Variants in CDH18 observed in about 807,000 individuals in gnomAD.
The protein encoded by CDH18 is cadherin 18, also known as cadherin-18.
In CDH18, 31 loss-of-function variants were observed where a neutral mutation model predicts 67.9. The ratio of observed to expected loss-of-function variants is 0.46; its 90% CI spans 0.34 to 0.62. The LOEUF is 0.62. CDH18 is among the 20% of genes least tolerant of loss of function. The probability of loss-of-function intolerance (pLI) is 0.01; values close to 1 mark genes in which losing one functional copy is unlikely to be tolerated. For synonymous variants in CDH18, 362 were observed against 347.2 expected, an observed-to-expected ratio of 1.04 and a Z score of -0.48; for missense variants, 890 against 975.5, an observed-to-expected ratio of 0.91 and a Z score of 1.17.
intron 1 of CDH18, among the ~76,000 whole-genome samples, chr5:20,377,809 T>G (rs751201090): frequency 6.6e-6 from 1 of 152,196 alleles, no homozygotes; most frequent in East Asian, 1.9e-4. Context: ...GCTATTCTGA[T>G]TATTTCAACT....
At chr5:19,817,049 T>A (rs1008924652) in intron 3 of CDH18, among the ~76,000 whole-genome samples, 2 of 151,740 alleles carry the variant, frequency 1.3e-5, no homozygotes, top group East Asian at 1.9e-4. Context: ...AGAAAAATAA[T>A]GTAAAATAAA....
intron 5 of CDH18, among the ~76,000 whole-genome samples, chr5:19,635,475 G>A (rs1255298628): frequency 1.3e-5 from 2 of 152,180 alleles, no homozygotes; most frequent in African/African-American, 4.8e-5. Context: ...CATTCTGGCA[G>A]ATCAGAAGTG....
At chr5:20,284,761 C>G (rs1408629881) in intron 1 of CDH18, among the ~76,000 whole-genome samples, 2 of 151,722 alleles carry the variant, frequency 1.3e-5, no homozygotes, top group Admixed American at 6.6e-5. Flanking sequence ...TTTATGGATT[C>G]AATCATCAGA....
At chr5:19,790,960 T>C (rs1000868905) in intron 3 of CDH18, among the ~76,000 whole-genome samples, 5 of 152,076 alleles carry the variant, frequency 3.3e-5, no homozygotes, top group Non-Finnish European at 5.9e-5. Context: ...CTCAGGTGTG[T>C]TACTTGAACA....
At chr5:19,995,018 T>G (rs977075245) in intron 2 of CDH18, among the ~76,000 whole-genome samples, 1 of 150,888 alleles carries the variant, frequency 6.6e-6, no homozygotes, top group Non-Finnish European at 1.5e-5. Flanking sequence ...GCACCAATGC[T>G]CAAGGACAGG....
Position 19,607,006 on chromosome 5 carries a change from C to G in CDH18, c.811+5428G>C, listed in dbSNP as rs551345263. Among the ~76,000 whole-genome samples the G allele has an allele frequency of 5.3e-5, 8 of 151,590 alleles. No homozygotes were observed. In the East Asian group the frequency reaches 1.5e-3, roughly 29 times the overall value. The stretch of plus-strand genomic sequence containing the variant: ...ATTTTTCAATGAACAAAATGGTAAA[C>G]AGCAAATTATATTAATAATTATTGA... On this transcript the variant is annotated intron_variant, in intron 6 of 12. Coordinates refer to ENST00000382275, the MANE Select transcript of CDH18 (RefSeq NM_004934.5).
chr5:19,605,964 G>C (rs972795132), intron 6 of CDH18, among the ~76,000 whole-genome samples: 1 of 152,072 alleles, frequency 6.6e-6, no homozygotes, highest in African/African-American at 2.4e-5. Context: ...TTTGACACTT[G>C]TAGAGGCTCT....
intron 9 of CDH18, among the ~76,000 whole-genome samples, chr5:19,521,299 A>C (rs1457362191): frequency 6.6e-6 from 1 of 152,220 alleles, no homozygotes. Context: ...ATAATAATTG[A>C]AATCAAAATT....
chr5:19,906,594 G>T (rs1790568851), intron 2 of CDH18, among the ~76,000 whole-genome samples: 1 of 152,018 alleles, frequency 6.6e-6, no homozygotes, highest in African/African-American at 2.4e-5. Flanking sequence ...AGGACCCACA[G>T]AATCCAAGTT....
chr5:20,194,506 C>T (rs1411209398), intron 2 of CDH18, among the ~76,000 whole-genome samples: 1 of 152,006 alleles, frequency 6.6e-6, no homozygotes, highest in Non-Finnish European at 1.5e-5. Flanking sequence ...AGCTGAGACA[C>T]TCTGAACAGA....
chr5:20,391,690 C>A (rs1744875455), intron 1 of CDH18, among the ~76,000 whole-genome samples: 1 of 151,974 alleles, frequency 6.6e-6, no homozygotes, highest in African/African-American at 2.4e-5. Context: ...TTAAATACAT[C>A]ACGTTAATAA....
At chr5:19,829,522 G>A (rs1780792158) in intron 3 of CDH18, among the ~76,000 whole-genome samples, 1 of 152,088 alleles carries the variant, frequency 6.6e-6, no homozygotes, top group South Asian at 2.1e-4. Flanking sequence ...GAAAGGTATT[G>A]ACGATGAGAA....
chr5:20,449,766 CT>C (rs1164054673), intron 1 of CDH18, among the ~76,000 whole-genome samples: 1 of 151,742 alleles, frequency 6.6e-6, no homozygotes, highest in African/African-American at 2.4e-5. Flanking sequence ...TAAAGTACTC[CT>C]GTAAAGTCTA....
chr5:20,193,135 G>A (rs995848621), intron 2 of CDH18, among the ~76,000 whole-genome samples: 17 of 151,956 alleles, frequency 1.1e-4, no homozygotes, highest in Non-Finnish European at 2.2e-4. Flanking sequence ...GTTCATTCAT[G>A]ATTTGGCTCT....
rs139801417 is a variant in CDH18 at position 20,103,569 on chromosome 5, C to CAA, written c.-517-111557_-517-111556dup. ...TGAAACCCTGTCTCTACTAAAAATA[C>CAA]AAAAAAAAAAAAAAAAAGCTGGGAG... On this transcript the variant is annotated intron_variant, in intron 2 of 14. Transcript: ENST00000507958. 3.0e-3 allele frequency among the ~76,000 whole-genome samples: 311 copies of CAA among 102,092 alleles called. 4 individuals are homozygous for CAA. The East Asian group carries it at 0.034, about 11-fold the overall frequency. 67.0% of individuals were successfully genotyped at this position (102,092 alleles called of 152,430 possible).
chr5:20,029,088 G>T (rs540913595), intron 2 of CDH18, among the ~76,000 whole-genome samples: 1 of 152,080 alleles, frequency 6.6e-6, no homozygotes, highest in Non-Finnish European at 1.5e-5. Context: ...AATTATTCAC[G>T]CATTACCCTT....
intron 5 of CDH18, among the ~76,000 whole-genome samples, chr5:19,673,465 A>T (rs961436389): frequency 1.3e-5 from 2 of 152,052 alleles, no homozygotes; most frequent in African/African-American, 4.8e-5. Flanking sequence ...GGCCTAAACT[A>T]AGGTAAACCT....
At chr5:20,425,831 G>T (rs1044182149) in intron 1 of CDH18, among the ~76,000 whole-genome samples, 4 of 150,918 alleles carry the variant, frequency 2.7e-5, no homozygotes, top group Admixed American at 6.6e-5. Context: ...ATACTTTAAA[G>T]AATTAATTGG....
intron 8 of CDH18, among the ~76,000 whole-genome samples, chr5:19,570,204 G>A (rs1333299680): frequency 1.3e-5 from 2 of 151,824 alleles, no homozygotes; most frequent in South Asian, 2.1e-4. Flanking sequence ...GAAGCAAAAC[G>A]GGCTTTCCTT....
Sources: allele counts gnomAD v4.1 joint callset (sites outside exome capture counted in the v4.1 genomes callset), GRCh38; gene constraint gnomAD v4.1.1; transcripts MANE v1.5; gene names NCBI Gene and HGNC (gene_info 2026-07-23, HGNC 2026-07-21).